The following SUGCT variants were observed in gnomAD, a reference collection of about 807,000 sequenced individuals.
SUGCT encodes succinyl-CoA:glutarate CoA-transferase.
In SUGCT, 41 loss-of-function variants were observed where a neutral mutation model predicts 55.0. The ratio of observed to expected loss-of-function variants is 0.74; its 90% CI spans 0.58 to 0.97. The LOEUF is 0.97. SUGCT is among the 50% of genes least tolerant of loss of function. The probability of loss-of-function intolerance (pLI) is 0.00; values close to 1 mark genes in which losing one functional copy is unlikely to be tolerated. For missense variants in SUGCT, 568 were observed against 547.8 expected (o/e 1.04, Z -0.37); for synonymous variants, 187 against 200.4 (o/e 0.93, Z 0.56).
At chr7:40,432,705 A>G (rs943352451) in intron 9 of SUGCT, among the ~76,000 whole-genome samples, 3 of 106,306 alleles carry the variant, frequency 2.8e-5, no homozygotes, top group African/African-American at 1.1e-4. Flanking sequence ...AAAAAAAAAA[A>G]AAAAAAAAAT....
At chr7:40,746,045 GATA>G (rs1787712952) in intron 12 of SUGCT, among the ~76,000 whole-genome samples, 1 of 152,204 alleles carries the variant, frequency 6.6e-6, no homozygotes, top group Non-Finnish European at 1.5e-5. Context: ...TACAAATGGT[GATA>G]ACAGGTAGTT....
chr7:40,922,336 T>A, the SUGCT span, among the ~76,000 whole-genome samples: 8 of 152,196 alleles, frequency 5.3e-5, no homozygotes, highest in Non-Finnish European at 1.0e-4. Context: ...CTCCAAGTCC[T>A]AATTTCAGGA....
At chr7:40,646,082 A>T (rs182092594) in intron 12 of SUGCT, among the ~76,000 whole-genome samples, 1 of 152,158 alleles carries the variant, frequency 6.6e-6, no homozygotes, top group Non-Finnish European at 1.5e-5. Flanking sequence ...CCTTATCTCA[A>T]TGAATGACCC....
intron 1 of SUGCT, among the ~76,000 whole-genome samples, chr7:40,144,976 G>A (rs1379422380): frequency 1.3e-5 from 2 of 152,036 alleles, no homozygotes; most frequent in East Asian, 1.9e-4. Flanking sequence ...GATTTTTATA[G>A]ACTCTTTTTA....
intron 9 of SUGCT, among the ~76,000 whole-genome samples, chr7:40,330,442 GA>G (rs1322171581): frequency 6.6e-6 from 1 of 151,906 alleles, no homozygotes; most frequent in Non-Finnish European, 1.5e-5. Flanking sequence ...TATTAGGAAA[GA>G]AGGGTGAAGA....
At chr7:40,182,843 T>C (rs2150713180) in intron 3 of SUGCT, among the ~76,000 whole-genome samples, 1 of 152,262 alleles carries the variant, frequency 6.6e-6, no homozygotes, top group South Asian at 2.1e-4. Flanking sequence ...AGCTTTAGCA[T>C]TGAGACTGAG....
intron 6 of SUGCT, among the ~76,000 whole-genome samples, chr7:40,209,317 C>T (rs950567793): frequency 1.9e-4 from 29 of 149,932 alleles, no homozygotes; most frequent in African/African-American, 6.7e-4. Context: ...ATCAGCCTGG[C>T]CAAATCCCAT....
intron 6 of SUGCT, 69 bp downstream of exon 6, chr7:40,195,129 A>C: frequency 6.9e-7 from 1 of 1,441,452 alleles, no homozygotes; most frequent in Non-Finnish European, 9.1e-7. Flanking sequence ...TTGCTATAAG[A>C]AACCTTTTGC....
At chr7:40,481,093 T>A (rs1036176073) in intron 11 of SUGCT, among the ~76,000 whole-genome samples, 2 of 152,134 alleles carry the variant, frequency 1.3e-5, no homozygotes, top group African/African-American at 4.8e-5. Flanking sequence ...GGTGGGAGGA[T>A]TGCTTGAAGC....
At chr7:40,752,422 C>G (rs1284211198) in intron 13 of SUGCT, among the ~76,000 whole-genome samples, 1 of 152,184 alleles carries the variant, frequency 6.6e-6, no homozygotes, top group African/African-American at 2.4e-5. Flanking sequence ...GTGACGCAAT[C>G]TCAGCTCACT....
intron 12 of SUGCT, among the ~76,000 whole-genome samples, chr7:40,612,394 C>G (rs1331044968): frequency 6.6e-6 from 1 of 152,170 alleles, no homozygotes; most frequent in African/African-American, 2.4e-5. Flanking sequence ...CACTTAGAGA[C>G]AGAGCAAAGC....
At chr7:41,012,372 G>C in the SUGCT span, among the ~76,000 whole-genome samples, 2 of 152,152 alleles carry the variant, frequency 1.3e-5, no homozygotes, top group Non-Finnish European at 2.9e-5. Context: ...GTGTCTGGTG[G>C]GTCTGAGTTT....
chr7:40,328,916 G>T (rs1197939787), intron 9 of SUGCT, among the ~76,000 whole-genome samples: 1 of 152,254 alleles, frequency 6.6e-6, no homozygotes, highest in Non-Finnish European at 1.5e-5. Flanking sequence ...TTTGGGTGAG[G>T]CCTGGCATAG....
intron 12 of SUGCT, among the ~76,000 whole-genome samples, chr7:40,703,072 T>C (rs1156838289): frequency 1.3e-5 from 2 of 150,160 alleles, no homozygotes; most frequent in Non-Finnish European, 3.0e-5. Flanking sequence ...TTTTTTTTTT[T>C]TTTTTTTTTG....
At chr7:40,500,422 G>A (rs1792216559) in intron 12 of SUGCT, among the ~76,000 whole-genome samples, 1 of 152,092 alleles carries the variant, frequency 6.6e-6, no homozygotes, top group Admixed American at 6.5e-5. Flanking sequence ...ACACCTGCAG[G>A]CTCTAAAAGG....
intron 8 of SUGCT, among the ~76,000 whole-genome samples, chr7:40,310,922 T>C (rs777320760): frequency 1.2e-4 from 19 of 152,210 alleles, no homozygotes; most frequent in Admixed American, 2.0e-4. Flanking sequence ...TTTCTTCTCT[T>C]ATCTCTCTTT....
At chr7:40,375,108 G>A (rs1343591873) in intron 9 of SUGCT, among the ~76,000 whole-genome samples, 6 of 152,272 alleles carry the variant, frequency 3.9e-5, no homozygotes, top group Admixed American at 1.3e-4. Context: ...TACAGACAGC[G>A]TCACAAAGCT....
Position 40,782,171 on chromosome 7 carries a change from AT to A in SUGCT, c.1153+32681del, listed in dbSNP as rs1563001059. ...GAAGTACAGTGTTAATTAATAGAAT[AT>A]TTTTTTCTAGAAAGTTAAAATTGTG... On this transcript the variant is annotated intron_variant, in intron 13 of 13. Transcript: ENST00000335693. 7.2e-5 allele frequency among the ~76,000 whole-genome samples: 11 copies of A among 151,994 alleles called. No individual in the cohort carries two copies. In the South Asian group the frequency reaches 1.9e-3, roughly 26 times the overall value.
At chr7:40,876,130 T>C in the SUGCT span, among the ~76,000 whole-genome samples, 5 of 152,328 alleles carry the variant, frequency 3.3e-5, no homozygotes, top group Non-Finnish European at 7.4e-5. Context: ...TTTGGCCACT[T>C]TGAATTGCTT....
Sources: allele counts gnomAD v4.1 joint callset (sites outside exome capture counted in the v4.1 genomes callset), GRCh38; gene constraint gnomAD v4.1.1; transcripts MANE v1.5; gene names NCBI Gene and HGNC (gene_info 2026-07-23, HGNC 2026-07-21).